Variants in ECPAS observed in about 807,000 individuals in gnomAD.
ECPAS encodes the protein Ecm29 proteasome adaptor and scaffold.
A neutral mutation model predicts 255.1 loss-of-function variants in ECPAS; 70 were observed. The ratio of observed to expected loss-of-function variants is 0.27; its 90% CI spans 0.23 to 0.33. The LOEUF is 0.33. Among genes scored for constraint, ECPAS ranks in the 10% least tolerant of loss-of-function variants. The probability of loss-of-function intolerance (pLI) is 1.00; values close to 1 mark genes in which losing one functional copy is unlikely to be tolerated. For missense variants in ECPAS, 1,817 were observed against 2,206.4 expected (o/e 0.82, Z 3.54); for synonymous variants, 784 against 775.0 (o/e 1.01, Z -0.19).
chr9:111,440,545 G>GC, intron 5 of ECPAS, 24 bp from the exon 6 acceptor site: 1 of 1,521,750 alleles, frequency 6.6e-7, no homozygotes, highest in African/African-American at 1.4e-5. Context: ...TACATTTATT[G>GC]CAACTACTTA....
chr9:111,483,000 C>T (rs577482189), intron 1 of ECPAS, among the ~76,000 whole-genome samples: 6 of 152,368 alleles, frequency 3.9e-5, no homozygotes, highest in African/African-American at 1.4e-4. Flanking sequence ...GCCCTCCCTG[C>T]TCCATCTGAG....
Position 111,422,003 on chromosome 9 carries a change from G to T in ECPAS, c.1373C>A (p.Ser458Tyr). 6.2e-7 allele frequency: 1 copy of T among 1,613,724 alleles called. No individual in the cohort carries two copies. Among genetic ancestry groups the T allele is most frequent in the Non-Finnish European group, 8.5e-7 (1 of 1,179,792 alleles). Residue 458 changes from serine (S) to tyrosine (Y), a missense_variant, in exon 15 of 50, where the codon TCT becomes TAT. Ser to Tyr is a moderately radical substitution (Grantham distance 144, BLOSUM62 -2). Transcript: ENST00000684092. ...AGTACTATACGCTCCAACCATCATA[G>T]ATAAAGCTTCTTGAATAGCAAGTCG... is the stretch of plus-strand genomic sequence containing the variant. ...ETRLAIQEAL[S>Y]MMVGAYSTLE... is the part of the protein sequence containing the mutation.
rs370486131 is a variant in ECPAS at position 111,389,512 on chromosome 9, C to T, written c.3447+44G>A. On this transcript the variant is annotated intron_variant, in intron 31 of 49. Coordinates refer to ENST00000684092, the MANE Select transcript of ECPAS (RefSeq NM_001364929.1). ...TTTAAATCCTATGCATGACCCTGGACAGTCTACAGTGTTTTCCTAACACAG... is the reference window on the plus strand; with the variant it reads ...TTTAAATCCTATGCATGACCCTGGATAGTCTACAGTGTTTTCCTAACACAG... 1,011 of 1,565,274 alleles carry T rather than the reference C, an allele frequency of 6.5e-4. 13 individuals carry two copies. In the South Asian group the frequency reaches 0.011, roughly 17 times the overall value.
chr9:111,459,493 TG>T (rs1161387909), intron 2 of ECPAS, among the ~76,000 whole-genome samples: 1 of 152,192 alleles, frequency 6.6e-6, no homozygotes, highest in Non-Finnish European at 1.5e-5. Flanking sequence ...TTCCATCAGC[TG>T]GGAGCAAAAT....
At chr9:111,364,031 A>G (rs962038494) in intron 48 of ECPAS, among the ~76,000 whole-genome samples, 2 of 152,182 alleles carry the variant, frequency 1.3e-5, no homozygotes, top group African/African-American at 2.4e-5. Context: ...CATTTTACCA[A>G]AGAACATTAT....
chr9:111,374,449 G>A (rs946137962), intron 38 of ECPAS, among the ~76,000 whole-genome samples: 1 of 152,060 alleles, frequency 6.6e-6, no homozygotes, highest in African/African-American at 2.4e-5. Flanking sequence ...TAAAATAAAT[G>A]ATGTTACATC....
At chr9:111,380,062 A>C (rs906018879) in intron 35 of ECPAS, among the ~76,000 whole-genome samples, 4 of 152,226 alleles carry the variant, frequency 2.6e-5, no homozygotes, top group African/African-American at 9.6e-5. Context: ...GAAGGTTTTC[A>C]ATTTACTTTG....
intron 16 of ECPAS, among the ~76,000 whole-genome samples, chr9:111,419,452 T>C (rs956504456): frequency 2.0e-5 from 3 of 152,216 alleles, no homozygotes; most frequent in Non-Finnish European, 4.4e-5. Flanking sequence ...TTTCATTATA[T>C]GTACATGACT....
Position 111,484,219 on chromosome 9 carries a change from G to A in ECPAS, c.-186C>T. On this transcript the variant is annotated 5_prime_UTR_variant, in exon 1 of 50. Coordinates refer to ENST00000684092, the MANE Select transcript of ECPAS (RefSeq NM_001364929.1). Reference sequence around the variant, plus strand: ...CGGGCCGGGCCCCGGGGAGCCGCGCGCCGCAGTCCGTGAGGGGCTGGGCCG... The same window carrying A: ...CGGGCCGGGCCCCGGGGAGCCGCGCACCGCAGTCCGTGAGGGGCTGGGCCG... 3 of 1,467,976 alleles carry A rather than the reference G, an allele frequency of 2.0e-6. No individual in the cohort carries two copies. The highest frequency in any genetic ancestry group is 2.7e-6 in the Non-Finnish European group (3 of 1,113,670). 90.9% of individuals were successfully genotyped at this position (1,467,976 alleles called of 1,614,324 possible). A position where few individuals can be genotyped will look rare whatever the true frequency, so the allele number is the denominator to read the frequency against.
At position 111,410,973 on chromosome 9, in the gene ECPAS, TA is replaced by T. The variant is rs1216923796; in HGVS notation, c.2377+6del. On this transcript the variant is annotated splice_donor_region_variant and intron_variant, in intron 22 of 49. Transcript: ENST00000684092. The stretch of plus-strand genomic sequence containing the variant: ...AACACCCAAATCGACATAAAGACAT[TA>T]ATTACCTATTGTTTCTGTAGCACTC... 1 of 1,609,240 alleles carries T rather than the reference TA, an allele frequency of 6.2e-7. No individual in the cohort carries two copies. Among genetic ancestry groups the T allele is most frequent in the South Asian group, 1.1e-5 (1 of 90,528 alleles).
At chr9:111,427,470 T>C (rs2098223479) in intron 10 of ECPAS, among the ~76,000 whole-genome samples, 1 of 152,196 alleles carries the variant, frequency 6.6e-6, no homozygotes, top group South Asian at 2.1e-4. Context: ...ATTATTACCA[T>C]ACATTTAAGA....
At chr9:111,473,857 C>T (rs1431063480) in intron 1 of ECPAS, among the ~76,000 whole-genome samples, 1 of 152,162 alleles carries the variant, frequency 6.6e-6, no homozygotes, top group Non-Finnish European at 1.5e-5. Context: ...GTCCCAGCTA[C>T]TCAGGAGGCT....
rs781343679 is a variant in ECPAS, at chr9:111,414,442, T to C, written c.1974A>G (p.Leu658=). 17 of 1,613,824 alleles carry C rather than the reference T, an allele frequency of 1.1e-5. No homozygotes were observed. Among genetic ancestry groups the C allele is most frequent in the Non-Finnish European group, 1.3e-5 (15 of 1,179,812 alleles). The part of the protein sequence containing the change: ...QIYIGLLQQL[L]AGVGGLPVMY... ...ACATATTCCTACCTCCAACACCTGCTAACAGCTGCTGAAGCAGGCCAATGT... is the reference window on the plus strand; with the variant it reads ...ACATATTCCTACCTCCAACACCTGCCAACAGCTGCTGAAGCAGGCCAATGT... Residue 658 remains leucine (L), a synonymous_variant, in exon 19 of 50, where the codon TTA becomes TTG. Coordinates refer to ENST00000684092, the MANE Select transcript of ECPAS (RefSeq NM_001364929.1).
chr9:111,438,858 G>A (rs528576192), intron 6 of ECPAS, among the ~76,000 whole-genome samples: 5 of 152,260 alleles, frequency 3.3e-5, no homozygotes, highest in African/African-American at 7.2e-5. Flanking sequence ...TCATCACACC[G>A]CATGAACTCT....
intron 8 of ECPAS, among the ~76,000 whole-genome samples, chr9:111,432,713 T>C (rs918975620): frequency 1.3e-5 from 2 of 152,248 alleles, no homozygotes; most frequent in African/African-American, 4.8e-5. Context: ...TATTTTTCAT[T>C]GACTTCATTC....
At chr9:111,407,428 A>AAAAAAAAAAAAAAAAAAAAAAAAG (rs751687233) in intron 24 of ECPAS, among the ~76,000 whole-genome samples, 9 of 98,724 alleles carry the variant, frequency 9.1e-5, no homozygotes, top group Non-Finnish European at 1.5e-4. Flanking sequence ...AAAAAAAAAA[A>AAAAAAAAAAAAAAAAAAAAAAAAG]AAAAAAAAAA....
chr9:111,375,100 A>C lies in ECPAS; in HGVS notation c.4110+13T>G, dbSNP rs201916193. ...TGAAGATGCACATTTCCTCTTGTGG[A>C]AAGTACACTTACCTTAGTTCCAAGA... On this transcript the variant is annotated intron_variant, in intron 38 of 49. Coordinates refer to ENST00000684092, the MANE Select transcript of ECPAS (RefSeq NM_001364929.1). The C allele has an allele frequency of 6.3e-7, 1 of 1,591,934 alleles. No homozygotes were observed. Among genetic ancestry groups the C allele is most frequent in the Non-Finnish European group, 8.6e-7 (1 of 1,160,706 alleles).
chr9:111,382,260 CTTT>C (rs35441317), intron 35 of ECPAS, among the ~76,000 whole-genome samples: 4 of 107,708 alleles, frequency 3.7e-5, no homozygotes, highest in African/African-American at 3.8e-5. Context: ...AAAAGTGATA[CTTT>C]TTTTTTTTTT....
At chr9:111,402,343 A>G (rs2098177470) in intron 24 of ECPAS, among the ~76,000 whole-genome samples, 1 of 152,220 alleles carries the variant, frequency 6.6e-6, no homozygotes, top group Non-Finnish European at 1.5e-5. Context: ...GTCTTACAAA[A>G]AATGCTACAG....
Sources: gnomAD v4.1 joint callset for allele counts (sites outside exome capture counted in the v4.1 genomes callset) on GRCh38, gnomAD v4.1.1 for gene constraint, MANE v1.5 for transcripts, NCBI Gene and HGNC (gene_info 2026-07-23, HGNC 2026-07-21) for gene names.